Variants in TMCO4 observed in about 807,000 individuals in gnomAD.
TMCO4 encodes the protein transmembrane and coiled-coil domains 4.
In TMCO4, 58 loss-of-function variants were observed where a neutral mutation model predicts 64.7. The observed-to-expected ratio is 0.90, with a 90% CI of 0.73 to 1.12. TMCO4 has a LOEUF of 1.12. TMCO4 is among the 50% of genes most tolerant of loss of function. The pLI, the probability that TMCO4 is intolerant of heterozygous loss-of-function variation, is 0.00. For missense variants in TMCO4, 780 were observed against 825.9 expected, an observed-to-expected ratio of 0.94 and a Z score of 0.68; for synonymous variants, 325 against 346.1, an observed-to-expected ratio of 0.94 and a Z score of 0.68.
intron 3 of TMCO4, among the ~76,000 whole-genome samples, chr1:19,783,713 G>A (rs1390686016): frequency 6.6e-6 from 1 of 152,166 alleles, no homozygotes; most frequent in Non-Finnish European, 1.5e-5. Flanking sequence ...AACTTACACA[G>A]TAAGTGATGA....
intron 6 of TMCO4, among the ~76,000 whole-genome samples, chr1:19,758,011 C>T (rs1343038287): frequency 6.6e-6 from 1 of 152,214 alleles, no homozygotes; most frequent in Non-Finnish European, 1.5e-5. Flanking sequence ...ATTCCCCAGT[C>T]CAGCTGCCTA....
intron 7 of TMCO4, among the ~76,000 whole-genome samples, chr1:19,752,315 C>T (rs747600959): frequency 1.3e-5 from 2 of 152,112 alleles, no homozygotes; most frequent in African/African-American, 2.4e-5. Context: ...CAACCCACAC[C>T]GTCGTAGTCA....
At chr1:19,777,196 A>C (rs928496701) in intron 4 of TMCO4, among the ~76,000 whole-genome samples, 2 of 152,150 alleles carry the variant, frequency 1.3e-5, no homozygotes, top group Non-Finnish European at 2.9e-5. Context: ...GTCCTCCCTG[A>C]CGGGAGACTT....
chr1:19,755,484 C>T, intron 7 of TMCO4, 150 bp downstream of exon 7: 1 of 1,145,652 alleles, frequency 8.7e-7, no homozygotes, highest in Non-Finnish European at 1.2e-6. Flanking sequence ...TAAGGCCACA[C>T]AGCGAGTCAG....
chr1:19,777,655 C>A (rs2043269627), intron 4 of TMCO4, among the ~76,000 whole-genome samples: 2 of 152,180 alleles, frequency 1.3e-5, no homozygotes, highest in Admixed American at 1.3e-4. Flanking sequence ...GCGCCAAAAA[C>A]CTCTTGAGGC....
chr1:19,735,289 T>C (rs2095448858), intron 13 of TMCO4, among the ~76,000 whole-genome samples: 2 of 152,256 alleles, frequency 1.3e-5, no homozygotes, highest in South Asian at 2.1e-4. Flanking sequence ...TCCTTTGAGA[T>C]AAGTGTACAA....
At chr1:19,790,885 A>G (rs1363782126) in intron 2 of TMCO4, among the ~76,000 whole-genome samples, 1 of 152,208 alleles carries the variant, frequency 6.6e-6, no homozygotes, top group Non-Finnish European at 1.5e-5. Flanking sequence ...ACTATTCACA[A>G]TAGCAAAGAC....
chr1:19,752,061 ATTT>A (rs1015871711), intron 7 of TMCO4, among the ~76,000 whole-genome samples: 1 of 149,968 alleles, frequency 6.7e-6, no homozygotes, highest in Non-Finnish European at 1.5e-5. Context: ...AAAAAAAAAA[ATTT>A]TTTTTTTGTA....
At chr1:19,700,923 G>A (rs368887506) in intron 13 of TMCO4, 38 bp from the exon 14 acceptor site, 44 of 1,568,152 alleles carry the variant, frequency 2.8e-5, no homozygotes, top group Non-Finnish European at 3.8e-5. Context: ...CAGTGTCCCT[G>A]GCCACATTGG....
At chr1:19,760,163 T>A (rs770766870) in intron 6 of TMCO4, among the ~76,000 whole-genome samples, 21 of 151,900 alleles carry the variant, frequency 1.4e-4, no homozygotes, top group Non-Finnish European at 3.1e-4. Context: ...TGTCATATAG[T>A]CTTTTTTTTT....
chr1:19,787,629 G>C (rs2043813057), intron 2 of TMCO4, among the ~76,000 whole-genome samples: 1 of 152,218 alleles, frequency 6.6e-6, no homozygotes, highest in Admixed American at 6.5e-5. Context: ...AAGGGAGATG[G>C]AGGAAGGGCC....
chr1:19,794,986 G>T (rs142663682), intron 2 of TMCO4, among the ~76,000 whole-genome samples: 255 of 152,300 alleles, frequency 1.7e-3, no homozygotes, highest in African/African-American at 5.8e-3. Flanking sequence ...GCCAGGGGCT[G>T]CGGGGAGGAG....
chr1:19,745,414 C>T, intron 10 of TMCO4, 118 bp downstream of exon 10: 1 of 1,493,086 alleles, frequency 6.7e-7, no homozygotes, highest in Non-Finnish European at 9.1e-7. Context: ...TCAGTTTCTT[C>T]CTCTGCGAAA....
intron 7 of TMCO4, chr1:19,750,288 T>C (rs1431160295): frequency 6.6e-6 from 1 of 152,200 alleles, no homozygotes; most frequent in Non-Finnish European, 1.5e-5. Flanking sequence ...TCACTGACGA[T>C]ATACGACGGG....
intron 15 of TMCO4, among the ~76,000 whole-genome samples, chr1:19,691,976 C>A (rs1164106688): frequency 1.3e-5 from 2 of 152,192 alleles, no homozygotes; most frequent in African/African-American, 4.8e-5. Flanking sequence ...GTAAGACGTG[C>A]CTTTCACCTT....
At chr1:19,783,823 G>T (rs904186791) in intron 3 of TMCO4, among the ~76,000 whole-genome samples, 1 of 152,180 alleles carries the variant, frequency 6.6e-6, no homozygotes, top group African/African-American at 2.4e-5. Context: ...CGGAGGCCCA[G>T]AGAGGTTAAG....
intron 4 of TMCO4, among the ~76,000 whole-genome samples, chr1:19,778,416 G>A (rs574164443): frequency 6.6e-6 from 1 of 152,220 alleles, no homozygotes; most frequent in South Asian, 2.1e-4. Flanking sequence ...TGGGACCACA[G>A]GTGTGCACCA....
intron 13 of TMCO4, among the ~76,000 whole-genome samples, chr1:19,718,932 T>G (rs2095369330): frequency 6.6e-6 from 1 of 152,114 alleles, no homozygotes; most frequent in African/African-American, 2.4e-5. Flanking sequence ...AACAATCCCA[T>G]GAAGCAACTG....
intron 12 of TMCO4, among the ~76,000 whole-genome samples, chr1:19,737,978 AG>A (rs2095463192): frequency 6.6e-6 from 1 of 152,268 alleles, no homozygotes; most frequent in Admixed American, 6.5e-5. Flanking sequence ...TGATAAGATA[AG>A]GTAGTAAGTC....
Sources: gnomAD v4.1 joint callset for allele counts (sites outside exome capture counted in the v4.1 genomes callset) on GRCh38, gnomAD v4.1.1 for gene constraint, MANE v1.5 for transcripts, NCBI Gene and HGNC (gene_info 2026-07-23, HGNC 2026-07-21) for gene names.